Variants in RAB3C observed in about 807,000 individuals in gnomAD.
RAB3C encodes ras-related protein Rab-3C.
RAB3C carries 17 observed loss-of-function variants against 26.4 expected under a neutral mutation model. The ratio of observed to expected loss-of-function variants is 0.64; its 90% CI spans 0.44 to 0.97. The LOEUF is 0.97. Ranked by LOEUF, RAB3C falls within the 50% of genes least tolerant of loss-of-function variation. RAB3C has a pLI of 0.00. For missense variants in RAB3C, 242 were observed against 281.9 expected (o/e 0.86, Z 1.01); for synonymous variants, 91 against 95.9 (o/e 0.95, Z 0.30).
At chr5:58,756,481 A>G (rs918765604) in intron 3 of RAB3C, among the ~76,000 whole-genome samples, 2 of 149,522 alleles carry the variant, frequency 1.3e-5, no homozygotes, top group African/African-American at 2.5e-5. Context: ...TACGTGTGCC[A>G]TGATGGTTTG....
intron 2 of RAB3C, among the ~76,000 whole-genome samples, chr5:58,687,152 T>A (rs1748461117): frequency 6.6e-6 from 1 of 152,204 alleles, no homozygotes; most frequent in South Asian, 2.1e-4. Flanking sequence ...TCCATCTTCG[T>A]GAGTTGAAGC....
chr5:58,672,115 A>G (rs1748130663), intron 2 of RAB3C, among the ~76,000 whole-genome samples: 1 of 152,206 alleles, frequency 6.6e-6, no homozygotes, highest in Non-Finnish European at 1.5e-5. Context: ...TACTAACGAA[A>G]ACAAAACATA....
intron 3 of RAB3C, among the ~76,000 whole-genome samples, chr5:58,819,538 A>G (rs1561141404): frequency 6.6e-6 from 1 of 152,226 alleles, no homozygotes; most frequent in Non-Finnish European, 1.5e-5. Context: ...TATCAAGAAC[A>G]CAATAGCATT....
chr5:58,640,462 A>G (rs1397132107), intron 2 of RAB3C, among the ~76,000 whole-genome samples: 2 of 152,204 alleles, frequency 1.3e-5, no homozygotes, highest in South Asian at 2.1e-4. Context: ...TATTATTTCT[A>G]TTTGGATAAA....
chr5:58,851,017 T>C, intron 4 of RAB3C, 147 bp from the exon 5 acceptor site: 1 of 623,610 alleles, frequency 1.6e-6, no homozygotes, highest in Non-Finnish European at 2.7e-6. Flanking sequence ...TGGTACCTCA[T>C]GCCCACCTCT....
intron 2 of RAB3C, among the ~76,000 whole-genome samples, chr5:58,671,479 C>A (rs1748117974): frequency 6.6e-6 from 1 of 152,150 alleles, no homozygotes; most frequent in South Asian, 2.1e-4. Context: ...GCGTATTTTC[C>A]AGTGTATTTT....
At chr5:58,642,333 A>G (rs1033844140) in intron 2 of RAB3C, among the ~76,000 whole-genome samples, 5 of 152,220 alleles carry the variant, frequency 3.3e-5, no homozygotes, top group African/African-American at 4.8e-5. Flanking sequence ...AAAGCTGGAC[A>G]TTCCATCTGA....
At chr5:58,648,669 A>C (rs1021937824) in intron 2 of RAB3C, among the ~76,000 whole-genome samples, 9 of 152,226 alleles carry the variant, frequency 5.9e-5, no homozygotes, top group Non-Finnish European at 1.5e-5. Flanking sequence ...GAATTTGCTC[A>C]TCTTTATCAG....
intron 2 of RAB3C, among the ~76,000 whole-genome samples, chr5:58,681,314 G>C (rs755350842): frequency 4.6e-5 from 7 of 152,178 alleles, no homozygotes; most frequent in South Asian, 4.1e-4. Context: ...TGAATATTGG[G>C]ATATTGCCAA....
intron 2 of RAB3C, among the ~76,000 whole-genome samples, chr5:58,638,356 C>T (rs1057100069): frequency 6.6e-6 from 1 of 151,816 alleles, no homozygotes; most frequent in Non-Finnish European, 1.5e-5. Flanking sequence ...GCTTTTTCCT[C>T]TTATAAATAA....
chr5:58,767,279 C>G (rs1052446997), intron 3 of RAB3C, among the ~76,000 whole-genome samples: 2 of 152,144 alleles, frequency 1.3e-5, no homozygotes, highest in African/African-American at 4.8e-5. Context: ...CAAAGTAATT[C>G]ACTTGATAAT....
intron 3 of RAB3C, among the ~76,000 whole-genome samples, chr5:58,754,772 A>G (rs1346206713): frequency 1.3e-5 from 2 of 152,200 alleles, no homozygotes; most frequent in Non-Finnish European, 2.9e-5. Flanking sequence ...AGAGTAACAA[A>G]TTGTATTTGC....
Position 58,792,438 on chromosome 5 carries a change from C to T in RAB3C, c.372-32600C>T, listed in dbSNP as rs144981751. The stretch of plus-strand genomic sequence containing the variant: ...CCATCTGAAGAAGGAACCAAGTGCA[C>T]GGAAAAAAGCAAGAAATTTTACAAA... On this transcript the variant is annotated intron_variant, in intron 3 of 4. Coordinates refer to ENST00000282878, the MANE Select transcript of RAB3C (RefSeq NM_138453.4). Among the ~76,000 whole-genome samples the T allele has an allele frequency of 8.2e-3, 1,248 of 151,548 alleles. 19 individuals are homozygous for T. Among genetic ancestry groups the T allele is most frequent in the African/African-American group, 0.029 (1,188 of 41,242 alleles).
rs959762886 is a variant in RAB3C at position 58,851,477 on chromosome 5, C to T, written c.*126C>T. ...TGAAGGAATAAATTGATGTCAATGG[C>T]TCGTACGCATTCAATTCTTGGGAGC... On this transcript the variant is annotated 3_prime_UTR_variant, in exon 5 of 5. Coordinates refer to ENST00000282878, the MANE Select transcript of RAB3C (RefSeq NM_138453.4). 1.4e-6 allele frequency: 1 copy of T among 692,376 alleles called. No individual in the cohort carries two copies. Among genetic ancestry groups the T allele is most frequent in the Non-Finnish European group, 2.2e-6 (1 of 450,360 alleles). 42.9% of individuals were successfully genotyped at this position (692,376 alleles called of 1,614,324 possible).
rs552481657 is a variant in RAB3C, at chr5:58,698,436, G to A, written c.253-27566G>A. ...GCTCTTCTCGAGGAGTATCTTTGTG[G>A]TGTTCACTGTATTTCCTGAATTTGA... On this transcript the variant is annotated intron_variant, in intron 2 of 4. Transcript: ENST00000282878. Among the ~76,000 whole-genome samples, 617 of 152,178 alleles carry A rather than the reference G, an allele frequency of 4.1e-3. 5 individuals are homozygous for A. Among genetic ancestry groups the A allele is most frequent in the Middle Eastern group, 0.01 (3 of 294 alleles).
intron 4 of RAB3C, among the ~76,000 whole-genome samples, chr5:58,830,521 A>G (rs1743590156): frequency 6.6e-6 from 1 of 152,174 alleles, no homozygotes; most frequent in Non-Finnish European, 1.5e-5. Context: ...CTAGCCAGAA[A>G]AGTGGATTTT....
At chr5:58,629,895 A>T (rs1354224113) in intron 2 of RAB3C, among the ~76,000 whole-genome samples, 2 of 152,230 alleles carry the variant, frequency 1.3e-5, no homozygotes, top group Non-Finnish European at 2.9e-5. Flanking sequence ...TAATTAGAGC[A>T]GTGTGGCTTC....
At chr5:58,779,871 C>T (rs1411149920) in intron 3 of RAB3C, among the ~76,000 whole-genome samples, 1 of 151,936 alleles carries the variant, frequency 6.6e-6, no homozygotes, top group East Asian at 1.9e-4. Context: ...ATATATAGTG[C>T]CAGCAAGCAA....
At position 58,857,092 on chromosome 5, in the gene RAB3C, A is replaced by G. The variant is rs914654230; in HGVS notation, c.*5741A>G. 5 of 152,216 alleles carry G rather than the reference A, an allele frequency of 3.3e-5. No homozygotes were observed. The highest frequency in any genetic ancestry group is 4.8e-5 in the African/African-American group (2 of 41,466). The allele number at this position is 152,216 out of a possible 1,614,324, so 9.4% of individuals were successfully genotyped here. A position where few individuals can be genotyped will look rare whatever the true frequency, so the allele number is the denominator to read the frequency against. The stretch of plus-strand genomic sequence containing the variant: ...CTCAGAATTGAGGGTTCATGGGCCA[A>G]TAAGTGCAATATTTAATGACTCACT... On this transcript the variant is annotated 3_prime_UTR_variant, in exon 5 of 5. Coordinates refer to ENST00000282878, the MANE Select transcript of RAB3C (RefSeq NM_138453.4).
Sources: gnomAD v4.1 joint callset for allele counts (sites outside exome capture counted in the v4.1 genomes callset) on GRCh38, gnomAD v4.1.1 for gene constraint, MANE v1.5 for transcripts, NCBI Gene and HGNC (gene_info 2026-07-23, HGNC 2026-07-21) for gene names.